Variants in REDIC1 observed in about 807,000 individuals in gnomAD.
REDIC1 encodes the protein regulator of DNA class I crossover intermediates 1.
chr12:39,760,300 G>C, the REDIC1 span: 12 of 1,505,182 alleles, frequency 8.0e-6, no homozygotes, highest in East Asian at 2.4e-5. Context: ...ATAGAGAGAG[G>C]CTTAAGTTGG....
chr12:39,887,492 G>A, the REDIC1 span, among the ~76,000 whole-genome samples: 1 of 152,142 alleles, frequency 6.6e-6, no homozygotes, highest in African/African-American at 2.4e-5. Flanking sequence ...TTTCACAACA[G>A]GGATAGAAAA....
the REDIC1 span, among the ~76,000 whole-genome samples, chr12:39,848,315 CT>C: frequency 6.6e-6 from 1 of 152,032 alleles, no homozygotes; most frequent in Non-Finnish European, 1.5e-5. Flanking sequence ...TTATAAGGAA[CT>C]TAGCAAATTT....
At chr12:39,667,584 T>C in the REDIC1 span, among the ~76,000 whole-genome samples, 2 of 152,218 alleles carry the variant, frequency 1.3e-5, no homozygotes, top group Admixed American at 6.5e-5. Context: ...CTGTTAGGTC[T>C]GCTTGGTGCA....
the REDIC1 span, among the ~76,000 whole-genome samples, chr12:39,681,286 A>C: frequency 3.3e-5 from 5 of 152,072 alleles, no homozygotes; most frequent in Admixed American, 3.3e-4. Context: ...CACACACAAA[A>C]AAGATTGATA....
the REDIC1 span, among the ~76,000 whole-genome samples, chr12:39,886,035 T>C: frequency 6.6e-6 from 1 of 152,226 alleles, no homozygotes; most frequent in Admixed American, 6.5e-5. Context: ...TTTACTTTAC[T>C]GCTTCTTCAT....
chr12:39,724,903 A>G, the REDIC1 span, among the ~76,000 whole-genome samples: 1 of 152,148 alleles, frequency 6.6e-6, no homozygotes, highest in African/African-American at 2.4e-5. Context: ...TGTTTAATTG[A>G]AGTATCAACA....
chr12:39,903,956 C>T, the REDIC1 span, among the ~76,000 whole-genome samples: 1 of 152,060 alleles, frequency 6.6e-6, no homozygotes, highest in Admixed American at 6.6e-5. Flanking sequence ...AGACAGGATA[C>T]TGCTATTTAT....
the REDIC1 span, among the ~76,000 whole-genome samples, chr12:39,799,452 C>A: frequency 3.2e-5 from 2 of 63,466 alleles, no homozygotes; most frequent in Admixed American, 3.5e-4. Flanking sequence ...CTCTACACGG[C>A]GCACTTTTAC....
At chr12:39,763,083 G>C in the REDIC1 span, among the ~76,000 whole-genome samples, 2 of 151,948 alleles carry the variant, frequency 1.3e-5, no homozygotes, top group African/African-American at 2.4e-5. Flanking sequence ...GTGTTCTCTA[G>C]AATCAGTAAA....
the REDIC1 span, among the ~76,000 whole-genome samples, chr12:39,639,217 A>C: frequency 1.3e-5 from 2 of 152,048 alleles, no homozygotes. Context: ...TTCTTTGTAA[A>C]GTTTGAATGG....
chr12:39,807,086 T>C, the REDIC1 span, among the ~76,000 whole-genome samples: 1 of 148,504 alleles, frequency 6.7e-6, no homozygotes, highest in African/African-American at 2.6e-5. Flanking sequence ...CTGAAAGTAA[T>C]TGCAACACAT....
chr12:39,799,524 C>T, the REDIC1 span, among the ~76,000 whole-genome samples: 6 of 152,012 alleles, frequency 3.9e-5, no homozygotes, highest in South Asian at 1.3e-3. Flanking sequence ...TCCCTTAGAA[C>T]TGGCAGAGTA....
chr12:39,822,306 A>T, the REDIC1 span, among the ~76,000 whole-genome samples: 16 of 152,254 alleles, frequency 1.1e-4, no homozygotes, highest in African/African-American at 3.4e-4. Context: ...ACTATGTGAC[A>T]CAATATCCTA....
At chr12:39,822,834 G>A in the REDIC1 span, among the ~76,000 whole-genome samples, 2 of 152,152 alleles carry the variant, frequency 1.3e-5, no homozygotes, top group Non-Finnish European at 2.9e-5. Flanking sequence ...TATGAATATC[G>A]CTACTTGGAT....
At chr12:39,771,648 A>G in the REDIC1 span, among the ~76,000 whole-genome samples, 1 of 152,144 alleles carries the variant, frequency 6.6e-6, no homozygotes, top group Admixed American at 6.6e-5. Context: ...GAAGTGCTAT[A>G]TTATTAATGT....
chr12:39,715,886 C>A, the REDIC1 span, among the ~76,000 whole-genome samples: 1 of 151,690 alleles, frequency 6.6e-6, no homozygotes, highest in Non-Finnish European at 1.5e-5. Context: ...GATATTCTAC[C>A]CTTCACTTTT....
the REDIC1 span, among the ~76,000 whole-genome samples, chr12:39,882,376 C>G: frequency 6.6e-6 from 1 of 152,176 alleles, no homozygotes; most frequent in Non-Finnish European, 1.5e-5. Context: ...GCTACCATCA[C>G]GTTCATCATT....
the REDIC1 span, among the ~76,000 whole-genome samples, chr12:39,627,163 C>T: frequency 1.3e-5 from 2 of 152,142 alleles, no homozygotes; most frequent in African/African-American, 4.8e-5. Context: ...AAGAATTTAT[C>T]GGAGGAAAGA....
chr12:39,721,181 A>G, the REDIC1 span: 74 of 1,613,546 alleles, frequency 4.6e-5, no homozygotes, highest in Middle Eastern at 1.6e-4. Context: ...TCTCTTTGCA[A>G]CCTTGAAAGG....
Sources: allele counts gnomAD v4.1 joint callset (sites outside exome capture counted in the v4.1 genomes callset), GRCh38; gene constraint gnomAD v4.1.1; transcripts MANE v1.5; gene names NCBI Gene and HGNC (gene_info 2026-07-23, HGNC 2026-07-21).